Variants in CNTN4 observed in about 807,000 individuals in gnomAD.
CNTN4 encodes the protein contactin 4, also known as contactin-4.
CNTN4 carries 77 observed loss-of-function variants against 122.5 expected under a neutral mutation model. The observed-to-expected ratio is 0.63, with a 90% CI of 0.52 to 0.76. The LOEUF is 0.76. Ranked by LOEUF, CNTN4 falls within the 30% of genes least tolerant of loss-of-function variation. The pLI is 0.00. For synonymous variants in CNTN4, 512 were observed against 447.0 expected (o/e 1.15, Z -1.83); for missense variants, 1,256 against 1,259.1 (o/e 1.00, Z 0.04).
intron 8 of CNTN4, among the ~76,000 whole-genome samples, chr3:2,875,724 T>C (rs2093836345): frequency 6.6e-6 from 1 of 152,210 alleles, no homozygotes; most frequent in Admixed American, 6.5e-5. Context: ...TTAAAATACT[T>C]GTTATTTGTG....
rs139024065 is a variant in CNTN4 at position 2,209,991 on chromosome 3, G to A, written c.-145+109352G>A. 2.7e-3 allele frequency among the ~76,000 whole-genome samples: 417 copies of A among 152,044 alleles called. 2 individuals carry two copies. Among genetic ancestry groups the A allele is most frequent in the African/African-American group, 9.6e-3 (400 of 41,478 alleles). ...ATTTTGTACTGGTATTATTATCAAA[G>A]CATAGCCTAGCCTTTCCTGGCTGAT... On this transcript the variant is annotated intron_variant, in intron 2 of 24. Coordinates refer to ENST00000418658, the MANE Select transcript of CNTN4 (RefSeq NM_175607.3).
intron 4 of CNTN4, among the ~76,000 whole-genome samples, chr3:2,681,501 A>C (rs78444990): frequency 9.9e-4 from 151 of 152,254 alleles, no homozygotes; most frequent in African/African-American, 3.5e-3. Context: ...CTAGAGGTCC[A>C]AAAACAAGTA....
intron 2 of CNTN4, among the ~76,000 whole-genome samples, chr3:2,168,613 T>C (rs2149219245): frequency 1.3e-5 from 2 of 152,172 alleles, no homozygotes; most frequent in Middle Eastern, 3.4e-3. Flanking sequence ...TAGAAATTAA[T>C]GACTTGTTTA....
At chr3:2,932,877 C>T (rs1399463218) in intron 13 of CNTN4, among the ~76,000 whole-genome samples, 2 of 152,046 alleles carry the variant, frequency 1.3e-5, no homozygotes, top group Admixed American at 6.6e-5. Context: ...GGCTGGAGGG[C>T]AGTGGCGCGA....
chr3:2,348,830 T>G (rs2044501521), intron 3 of CNTN4, among the ~76,000 whole-genome samples: 1 of 152,200 alleles, frequency 6.6e-6, no homozygotes, highest in African/African-American at 2.4e-5. Context: ...TAATACCAGG[T>G]CTCTTGTCTT....
chr3:2,437,358 T>C (rs1208288573), intron 3 of CNTN4, among the ~76,000 whole-genome samples: 7 of 152,148 alleles, frequency 4.6e-5, no homozygotes, highest in Non-Finnish European at 1.0e-4. Flanking sequence ...TAATATCTAT[T>C]AAGAGACTCA....
chr3:2,280,681 A>G (rs59339508), intron 2 of CNTN4, among the ~76,000 whole-genome samples: 5,511 of 152,240 alleles, frequency 0.036, 327 homozygotes, highest in African/African-American at 0.13. Context: ...AAACTTCACT[A>G]TTTTTCATGG....
intron 13 of CNTN4, among the ~76,000 whole-genome samples, chr3:2,976,219 C>T (rs1362505833): frequency 6.6e-6 from 1 of 152,202 alleles, no homozygotes; most frequent in African/African-American, 2.4e-5. Context: ...CTTTAATACT[C>T]ATCCAGCCCC....
intron 2 of CNTN4, among the ~76,000 whole-genome samples, chr3:2,306,013 C>A (rs1009989387): frequency 1.3e-5 from 2 of 152,088 alleles, no homozygotes; most frequent in Non-Finnish European, 2.9e-5. Context: ...GGATATACAA[C>A]ATTTTGTTTA....
At chr3:2,470,567 T>C (rs1430031698) in intron 3 of CNTN4, among the ~76,000 whole-genome samples, 1 of 152,162 alleles carries the variant, frequency 6.6e-6, no homozygotes, top group African/African-American at 2.4e-5. Flanking sequence ...TCTGCTCCTG[T>C]CTTAATATTG....
At chr3:2,530,198 C>G (rs1423580249) in intron 3 of CNTN4, among the ~76,000 whole-genome samples, 1 of 151,920 alleles carries the variant, frequency 6.6e-6, no homozygotes, top group African/African-American at 2.4e-5. Flanking sequence ...ACTTAGAATT[C>G]AGCCAAAATA....
At chr3:2,362,311 C>T (rs1273025697) in intron 3 of CNTN4, 7 of 213,954 alleles carry the variant, frequency 3.3e-5, no homozygotes, top group East Asian at 1.4e-4. Context: ...AGAGCCATGG[C>T]GGCCCCAGGG....
intron 2 of CNTN4, among the ~76,000 whole-genome samples, chr3:2,305,314 G>A (rs2150101760): frequency 6.6e-6 from 1 of 152,208 alleles, no homozygotes; most frequent in East Asian, 1.9e-4. Flanking sequence ...AGGGTTAATT[G>A]TTCCTATAAA....
At chr3:2,556,696 A>G (rs1053591145) in intron 3 of CNTN4, among the ~76,000 whole-genome samples, 29 of 152,204 alleles carry the variant, frequency 1.9e-4, no homozygotes, top group African/African-American at 6.0e-4. Context: ...GTGTGTGTAT[A>G]TGTATATAAT....
chr3:2,262,043 A>T lies in CNTN4; in HGVS notation c.-144-77135A>T, dbSNP rs542698425. On this transcript the variant is annotated intron_variant, in intron 2 of 24. Coordinates refer to ENST00000418658, the MANE Select transcript of CNTN4 (RefSeq NM_175607.3). Reference sequence around the variant, plus strand: ...AATGGATTTTTTTTTCCTCAGCCAGATTCAGAGTTTGCCCTGTTCTTATTC... The same window carrying T: ...AATGGATTTTTTTTTCCTCAGCCAGTTTCAGAGTTTGCCCTGTTCTTATTC... Among the ~76,000 whole-genome samples, 6 of 152,230 alleles carry T rather than the reference A, an allele frequency of 3.9e-5. No individual in the cohort carries two copies. The South Asian group carries it at 8.3e-4, about 21-fold the overall frequency.
chr3:2,247,464 T>C (rs915157176), intron 2 of CNTN4, among the ~76,000 whole-genome samples: 1 of 151,952 alleles, frequency 6.6e-6, no homozygotes, highest in Non-Finnish European at 1.5e-5. Flanking sequence ...CCTCTTGTGA[T>C]TGATGATGAT....
intron 2 of CNTN4, among the ~76,000 whole-genome samples, chr3:2,168,242 T>C (rs1269203446): frequency 1.3e-5 from 2 of 152,226 alleles, no homozygotes; most frequent in African/African-American, 2.4e-5. Flanking sequence ...AAATTTCAAA[T>C]ATTAAATATT....
chr3:2,341,221 A>G (rs971731001), intron 3 of CNTN4, among the ~76,000 whole-genome samples: 2 of 152,122 alleles, frequency 1.3e-5, no homozygotes, highest in South Asian at 2.1e-4. Context: ...ATTCATTCAT[A>G]TATCTTTGTG....
At position 2,868,084 on chromosome 3, in the gene CNTN4, A is replaced by G. The variant is rs187053230; in HGVS notation, c.652+1135A>G. 4.1e-4 allele frequency among the ~76,000 whole-genome samples: 63 copies of G among 152,296 alleles called. No homozygotes were observed. The East Asian group carries it at 0.01, about 24-fold the overall frequency. On this transcript the variant is annotated intron_variant, in intron 8 of 24. Coordinates refer to ENST00000418658, the MANE Select transcript of CNTN4 (RefSeq NM_175607.3). Reference sequence around the variant, plus strand: ...TGTCTAGTACACATTCAGATCTTCTATTATGAACAGGAATGACGAGACCCA... The same window carrying G: ...TGTCTAGTACACATTCAGATCTTCTGTTATGAACAGGAATGACGAGACCCA...
Sources: allele counts gnomAD v4.1 joint callset (sites outside exome capture counted in the v4.1 genomes callset), GRCh38; gene constraint gnomAD v4.1.1; transcripts MANE v1.5; gene names NCBI Gene and HGNC (gene_info 2026-07-23, HGNC 2026-07-21).